GBP2: variants seen among roughly 807,000 people sequenced by gnomAD.
GBP2 encodes guanylate-binding protein 2.
A neutral mutation model predicts 60.8 loss-of-function variants in GBP2; 54 were observed. The observed-to-expected ratio is 0.89, with a 90% confidence interval of 0.71 to 1.11. GBP2 has a LOEUF of 1.11. Among genes scored for constraint, GBP2 ranks in the 50% most tolerant of loss-of-function variants. GBP2 has a pLI of 0.00. For missense variants in GBP2, 665 were observed against 703.3 expected, an observed-to-expected ratio of 0.95 and a Z score of 0.62; for synonymous variants, 243 against 256.5, an observed-to-expected ratio of 0.95 and a Z score of 0.50.
Position 89,108,383 on chromosome 1 carries a change from A to AT in GBP2, c.1660-93dup, listed in dbSNP as rs1305488318. ...TGGTACTTATATTGATCCTTCAAGAATTTTTGACTATCACTCTCTTCTGAG... is the reference window on the plus strand; with the variant it reads ...TGGTACTTATATTGATCCTTCAAGAATTTTTTGACTATCACTCTCTTCTGAG... On this transcript the variant is annotated intron_variant, in intron 10 of 10. Coordinates refer to ENST00000370466, the MANE Select transcript of GBP2 (RefSeq NM_004120.5). The AT allele has an allele frequency of 8.4e-6, 6 of 711,974 alleles. No individual in the cohort carries two copies. In the African/African-American group the frequency reaches 9.0e-5, roughly 11 times the overall value. The allele number at this position is 711,974 out of a possible 1,614,324, so 44.1% of individuals were successfully genotyped here.
chr1:89,109,621 C>T, intron 10 of GBP2, 56 bp downstream of exon 10: 1 of 1,532,522 alleles, frequency 6.5e-7, no homozygotes. Context: ...CAACCTTATA[C>T]TTCATTTTCG....
At chr1:89,111,746 G>A (rs1353079739) in intron 8 of GBP2, among the ~76,000 whole-genome samples, 1 of 152,054 alleles carries the variant, frequency 6.6e-6, no homozygotes, top group East Asian at 1.9e-4. Flanking sequence ...TGGCACAAAA[G>A]GGTGACTATA....
intron 3 of GBP2, among the ~76,000 whole-genome samples, chr1:89,120,633 CA>C (rs551071915): frequency 1.5e-3 from 226 of 152,234 alleles, no homozygotes; most frequent in Admixed American, 6.0e-3. Context: ...ATTTTTTACA[CA>C]GTAGTTAAAA....
At chr1:89,108,999 G>A (rs1003832222) in intron 10 of GBP2, among the ~76,000 whole-genome samples, 3 of 151,762 alleles carry the variant, frequency 2.0e-5, no homozygotes, top group African/African-American at 7.3e-5. Flanking sequence ...AGGTTCAAGC[G>A]ATTCTCCTGC....
intron 1 of GBP2, among the ~76,000 whole-genome samples, chr1:89,123,933 T>C (rs1681461639): frequency 6.6e-6 from 1 of 152,240 alleles, no homozygotes; most frequent in Non-Finnish European, 1.5e-5. Context: ...TAGTTTCTAG[T>C]TTACCTTTCT....
chr1:89,117,163 A>T lies in GBP2; in HGVS notation c.697T>A (p.Cys233Ser). 1 of 1,614,148 alleles carries T rather than the reference A, an allele frequency of 6.2e-7. No individual in the cohort carries two copies. Residue 233 changes from cysteine to serine, a missense_variant, in exon 6 of 11, where the codon TGC becomes AGC. Coordinates refer to ENST00000370466, the MANE Select transcript of GBP2 (RefSeq NM_004120.5). Reference sequence around the variant, plus strand: ...GGAGCGGGCCAATCGAAGACGAAGCACTTCCTCTTGGGGAAGAACTTTCGG... The same window carrying T: ...GGAGCGGGCCAATCGAAGACGAAGCTCTTCCTCTTGGGGAAGAACTTTCGG... ...CIRKFFPKRKCFVFDWPAPKK... is the reference protein window; with the variant it reads ...CIRKFFPKRKSFVFDWPAPKK...
At chr1:89,119,455 A>T (rs891695728) in intron 4 of GBP2, 4 of 152,190 alleles carry the variant, frequency 2.6e-5, no homozygotes, top group African/African-American at 9.7e-5. Context: ...GTGGAGAATG[A>T]CAATAAGGGT....
chr1:89,108,330 C>T lies in GBP2; in HGVS notation c.1660-39G>A, dbSNP rs201022694. The T allele has an allele frequency of 2.2e-5, 29 of 1,295,554 alleles. No individual in the cohort carries two copies. The South Asian group carries it at 3.4e-4, about 15-fold the overall frequency. 80.3% of individuals were successfully genotyped at this position (1,295,554 alleles called of 1,614,324 possible). On this transcript the variant is annotated intron_variant, in intron 10 of 10. Coordinates refer to ENST00000370466, the MANE Select transcript of GBP2 (RefSeq NM_004120.5). ...TGGAGACTAAGCCTATCCAGCTTAA[C>T]ACATTTCCACCAGATTAGTTCCCCT... is the stretch of plus-strand genomic sequence containing the variant.
rs1681513816 is a variant in GBP2 at position 89,126,005 on chromosome 1, T to C, written c.-160A>G. 6.6e-6 allele frequency: 1 copy of C among 152,250 alleles called. No individual in the cohort carries two copies. Among genetic ancestry groups the C allele is most frequent in the South Asian group, 2.1e-4 (1 of 4,836 alleles). 9.4% of individuals were successfully genotyped at this position (152,250 alleles called of 1,614,324 possible). ...TCACGGTAACTGTGGACTTTTACTT[T>C]ACCCCTCCAACGTCCTGGGGCTTCC... On this transcript the variant is annotated 5_prime_UTR_variant, in exon 1 of 11. Coordinates refer to ENST00000370466, the MANE Select transcript of GBP2 (RefSeq NM_004120.5).
intron 9 of GBP2, 69 bp downstream of exon 9, chr1:89,110,095 T>G: frequency 1.8e-6 from 2 of 1,140,302 alleles, no homozygotes; most frequent in Non-Finnish European, 2.6e-6. Flanking sequence ...TAATTCCAGG[T>G]GGACCAATAT....
rs1359255919 is a variant in GBP2 at position 89,121,774 on chromosome 1, C to G, written c.190+3G>C. Reference sequence around the variant, plus strand: ...GGCTTAGAGCTTTGCTGGTGTCACTCACCGTTTTTCTTCCCAGCCAGCTTG... The same window carrying G: ...GGCTTAGAGCTTTGCTGGTGTCACTGACCGTTTTTCTTCCCAGCCAGCTTG... On this transcript the variant is annotated splice_donor_region_variant and intron_variant, in intron 2 of 10. Transcript: ENST00000370466. 6.2e-7 allele frequency: 1 copy of G among 1,613,438 alleles called. No homozygotes were observed. Among genetic ancestry groups the G allele is most frequent in the Non-Finnish European group, 8.5e-7 (1 of 1,179,548 alleles).
Position 89,126,086 on chromosome 1 carries a change from G to A in GBP2, c.-241C>T, listed in dbSNP as rs1218323647. The A allele has an allele frequency of 6.6e-6, 1 of 152,222 alleles. No homozygotes were observed. The highest frequency in any genetic ancestry group is 2.4e-5 in the African/African-American group (1 of 41,456). 9.4% of individuals were successfully genotyped at this position (152,222 alleles called of 1,614,324 possible). On this transcript the variant is annotated 5_prime_UTR_variant, in exon 1 of 11. Transcript: ENST00000370466. ...ACCTGACGAGAGACAAGAAAAAGAGGTAACCTCTGCAAAGAAATGCACTAA... is the reference window on the plus strand; with the variant it reads ...ACCTGACGAGAGACAAGAAAAAGAGATAACCTCTGCAAAGAAATGCACTAA...
At chr1:89,117,863 T>G (rs1439829173) in intron 4 of GBP2, 90 bp from the exon 5 acceptor site, 1 of 961,938 alleles carries the variant, frequency 1.0e-6, no homozygotes, top group African/African-American at 1.7e-5. Flanking sequence ...TTGGTTTCTT[T>G]TTATTAGCTC....
chr1:89,124,515 G>A (rs767877989), intron 1 of GBP2, among the ~76,000 whole-genome samples: 1 of 152,168 alleles, frequency 6.6e-6, no homozygotes, highest in Non-Finnish European at 1.5e-5. Context: ...CACAGTAATA[G>A]GAACTTTTAC....
rs1681189250 is a variant in GBP2 at position 89,112,638 on chromosome 1, T to G, written c.1196A>C (p.Lys399Thr). ...RRDDFCKQNS[K>T]ASSDCCMALL... ...AGCCATGCAACAATCTGATGATGCT[T>G]TGGAATTCTGCTTACAAAAGTCATC... The change falls in exon 8 of 11, where the codon AAA (lysine) becomes ACA (threonine). Residue 399 changes from lysine to threonine, a missense_variant. Physicochemically the swap from Lys to Thr is moderately conservative, Grantham distance 78. Transcript: ENST00000370466. 9.3e-6 allele frequency: 15 copies of G among 1,614,058 alleles called. No homozygotes were observed. Among genetic ancestry groups the G allele is most frequent in the Non-Finnish European group, 1.2e-5 (14 of 1,180,036 alleles).
intron 5 of GBP2, 142 bp downstream of exon 5, chr1:89,117,435 T>C (rs904092787): frequency 6.6e-6 from 6 of 909,322 alleles, no homozygotes; most frequent in Non-Finnish European, 1.0e-5. Context: ...ACTGATATAG[T>C]CAAGCAATGT....
At chr1:89,117,507 G>C in intron 5 of GBP2, 70 bp downstream of exon 5, 3 of 1,325,792 alleles carry the variant, frequency 2.3e-6, no homozygotes, top group Non-Finnish European at 3.2e-6. Flanking sequence ...TTTTAGCACT[G>C]CACAGAAATG....
At position 89,117,562 on chromosome 1, in the gene GBP2, A is replaced by G. The variant is rs747889476; in HGVS notation, c.625+15T>C. The G allele has an allele frequency of 6.2e-7, 1 of 1,604,506 alleles. No individual in the cohort carries two copies. Among genetic ancestry groups the G allele is most frequent in the Admixed American group, 1.7e-5 (1 of 58,372 alleles). ...CTCTCTATTTATTACCCAACCAAGC[A>G]TCAGACCCAGTAACCTTTTCTTAGC... On this transcript the variant is annotated intron_variant, in intron 5 of 10. Coordinates refer to ENST00000370466, the MANE Select transcript of GBP2 (RefSeq NM_004120.5).
intron 6 of GBP2, among the ~76,000 whole-genome samples, chr1:89,116,465 AC>A (rs1681274852): frequency 7.6e-5 from 1 of 13,090 alleles, no homozygotes. Flanking sequence ...TTATCATTAT[AC>A]TTTTTTTTTT....
Sources: gnomAD v4.1 joint callset for allele counts (sites outside exome capture counted in the v4.1 genomes callset) on GRCh38, gnomAD v4.1.1 for gene constraint, MANE v1.5 for transcripts, NCBI Gene and HGNC (gene_info 2026-07-23, HGNC 2026-07-21) for gene names.